The following ALB variants were observed in gnomAD, a reference collection of about 807,000 sequenced individuals.
The protein encoded by ALB is albumin.
Under a neutral mutation model 74.5 loss-of-function variants are expected in ALB, and 37 were observed. That is an observed-to-expected ratio of 0.50 (90% confidence interval 0.38 to 0.65). The LOEUF is 0.65. Among genes scored for constraint, ALB ranks in the 30% least tolerant of loss-of-function variants. The probability of loss-of-function intolerance (pLI) is 0.00; values close to 1 mark genes in which losing one functional copy is unlikely to be tolerated. For missense variants in ALB, 685 were observed against 718.7 expected (o/e 0.95, Z 0.54); for synonymous variants, 249 against 251.6 (o/e 0.99, Z 0.10).
In ALB at chr4:73,405,164, T is replaced by C; in HGVS notation, c.128T>C (p.Phe43Ser). The C allele has an allele frequency of 6.8e-6, 11 of 1,612,412 alleles. No individual in the cohort carries two copies. Among genetic ancestry groups the C allele is most frequent in the Non-Finnish European group, 9.3e-6 (11 of 1,178,522 alleles). ...TTTAAAGATTTGGGAGAAGAAAATT[T>C]CAAAGCCTTGTAAGTTAAAATATTG... ...HRFKDLGEENFKALVLIAFAQ... is the reference protein window; with the variant it reads ...HRFKDLGEENSKALVLIAFAQ... The change falls in exon 2 of 15, where the codon TTC becomes TCC. Residue 43 changes from phenylalanine to serine, a missense_variant. Physicochemically the swap from Phe to Ser is radical, Grantham distance 155. Transcript: ENST00000295897.
intron 8 of ALB, among the ~76,000 whole-genome samples, chr4:73,414,563 A>T (rs1718967196): frequency 1.3e-5 from 2 of 152,134 alleles, no homozygotes; most frequent in Admixed American, 1.3e-4. Flanking sequence ...TCCCAGGTTC[A>T]AGCGATTCTC....
chr4:73,408,466 AG>A, intron 3 of ALB, 127 bp from the exon 4 acceptor site: 1 of 790,178 alleles, frequency 1.3e-6, no homozygotes, highest in Non-Finnish European at 2.1e-6. Flanking sequence ...CTCGATTGGG[AG>A]GGGAAGCGGA....
rs975316986 is a variant in ALB at position 73,405,242 on chromosome 4, A to G, written c.137+69A>G. ...TGTTGTTTATTATTCTAAAGTGCTTATATTTCCTTGTCATCAGGGTTCAGA... is the reference window on the plus strand; with the variant it reads ...TGTTGTTTATTATTCTAAAGTGCTTGTATTTCCTTGTCATCAGGGTTCAGA... On this transcript the variant is annotated intron_variant, in intron 2 of 14. Transcript: ENST00000295897. The G allele has an allele frequency of 4.5e-6, 6 of 1,333,512 alleles. No individual in the cohort carries two copies. The Admixed American group carries it at 1.0e-4, about 23-fold the overall frequency. 82.6% of individuals were successfully genotyped at this position (1,333,512 alleles called of 1,614,324 possible).
chr4:73,412,231 C>G (rs979212335), intron 7 of ALB, 106 bp downstream of exon 7: 1 of 1,399,164 alleles, frequency 7.1e-7, no homozygotes, highest in Non-Finnish European at 1.0e-6. Context: ...AGATTGTCTT[C>G]TGTGCTTTCG....
At position 73,415,135 on chromosome 4, in the gene ALB, G is replaced by A. The variant is rs149483745; in HGVS notation, c.1159G>A (p.Ala387Thr). ...YETTLEKCCA[A>T]ADPHECYAKV... ...AACCACTCTAGAGAAGTGCTGTGCC[G>A]CTGCAGATCCTCATGAATGCTATGC... Residue 387 changes from alanine to threonine, a missense_variant, in exon 9 of 15, where the codon GCT becomes ACT. Coordinates refer to ENST00000295897, the MANE Select transcript of ALB (RefSeq NM_000477.7). 1.9e-5 allele frequency: 30 copies of A among 1,613,980 alleles called. No individual in the cohort carries two copies. The highest frequency in any genetic ancestry group is 3.3e-5 in the Admixed American group (2 of 59,996).
At chr4:73,404,557 C>A in intron 1 of ALB, 151 bp downstream of exon 1, 2 of 631,742 alleles carry the variant, frequency 3.2e-6, no homozygotes, top group Non-Finnish European at 5.4e-6. Flanking sequence ...ACAAGGTTAT[C>A]TTATTAATAA....
At chr4:73,413,892 T>C (rs777405589) in intron 8 of ALB, among the ~76,000 whole-genome samples, 1 of 152,216 alleles carries the variant, frequency 6.6e-6, no homozygotes, top group Non-Finnish European at 1.5e-5. Context: ...CTAGAAACAT[T>C]TTGTGTATAT....
At chr4:73,414,946 TG>T in intron 8 of ALB, 88 bp from the exon 9 acceptor site, 1 of 1,518,844 alleles carries the variant, frequency 6.6e-7, no homozygotes, top group Non-Finnish European at 9.1e-7. Context: ...TTAAGACTTT[TG>T]GAATATGAGT....
rs896716227 is a variant in ALB at position 73,420,433 on chromosome 4, C to T, written c.*23+112C>T. On this transcript the variant is annotated intron_variant, in intron 14 of 14. Coordinates refer to ENST00000295897, the MANE Select transcript of ALB (RefSeq NM_000477.7). Reference sequence around the variant, plus strand: ...GACCAGCACCGACCACTATTCTAAACTATTTATGTATGTAAATATTAGCTT... The same window carrying T: ...GACCAGCACCGACCACTATTCTAAATTATTTATGTATGTAAATATTAGCTT... 1.6e-5 allele frequency: 10 copies of T among 636,318 alleles called. No individual in the cohort carries two copies. In the African/African-American group the frequency reaches 1.9e-4, roughly 12 times the overall value. The allele number at this position is 636,318 out of a possible 1,614,324, so 39.4% of individuals were successfully genotyped here.
intron 5 of ALB, 54 bp from the exon 6 acceptor site, chr4:73,410,258 G>A: frequency 7.4e-7 from 1 of 1,354,338 alleles, no homozygotes; most frequent in South Asian, 1.2e-5. Context: ...TTATGGAGGG[G>A]TGTTTCATGT....
intron 3 of ALB, 85 bp downstream of exon 3, chr4:73,406,846 A>T: frequency 6.7e-7 from 1 of 1,495,906 alleles, no homozygotes; most frequent in Admixed American, 1.8e-5. Context: ...AAGTTTTCTC[A>T]ATTATTATTA....
intron 12 of ALB, 97 bp from the exon 13 acceptor site, chr4:73,419,410 C>G: frequency 7.3e-7 from 1 of 1,378,010 alleles, no homozygotes; most frequent in Non-Finnish European, 9.8e-7. Context: ...GATTTATAAT[C>G]TTAAATGATG....
At chr4:73,420,885 T>C (rs1393937644) in intron 14 of ALB, 5 of 458,436 alleles carry the variant, frequency 1.1e-5, no homozygotes, top group Admixed American at 4.0e-5. Flanking sequence ...ATAGGACTTA[T>C]CTTCTTATGA....
rs766228400 is a variant in ALB, at chr4:73,413,675, A to G, written c.1058+41A>G. The G allele has an allele frequency of 3.8e-6, 6 of 1,588,832 alleles. No individual in the cohort carries two copies. The Admixed American group carries it at 1.0e-4, about 27-fold the overall frequency. ...ATTATTCTTTTATAGCTTTGGCATG[A>G]CCTCACAACTTAGGAGGATAGCCTA... On this transcript the variant is annotated intron_variant, in intron 8 of 14. Coordinates refer to ENST00000295897, the MANE Select transcript of ALB (RefSeq NM_000477.7).
intron 12 of ALB, 153 bp from the exon 13 acceptor site, chr4:73,419,354 A>G: frequency 1.3e-6 from 1 of 746,440 alleles, no homozygotes; most frequent in Admixed American, 2.8e-5. Flanking sequence ...TGAGACTTAT[A>G]GCGGTATGCC....
intron 12 of ALB, among the ~76,000 whole-genome samples, chr4:73,419,103 A>AT (rs1174158686): frequency 6.6e-6 from 1 of 152,138 alleles, no homozygotes; most frequent in Non-Finnish European, 1.5e-5. Flanking sequence ...AGATAATTAA[A>AT]TTTTTAAGGA....
At chr4:73,418,809 A>G (rs546963236) in intron 12 of ALB, among the ~76,000 whole-genome samples, 9 of 152,306 alleles carry the variant, frequency 5.9e-5, no homozygotes, top group Admixed American at 3.9e-4. Flanking sequence ...AGGGGTTATA[A>G]TTGCATAAAA....
chr4:73,405,321 A>T, intron 2 of ALB, 148 bp downstream of exon 2: 1 of 693,156 alleles, frequency 1.4e-6, no homozygotes, highest in East Asian at 2.7e-5. Context: ...GATATTCTGT[A>T]TCTGGGCTAT....
intron 12 of ALB, among the ~76,000 whole-genome samples, chr4:73,418,980 A>G (rs2149329856): frequency 6.6e-6 from 1 of 152,274 alleles, no homozygotes; most frequent in Admixed American, 6.5e-5. Context: ...ATGAGTTTGG[A>G]TAGCCTTATT....
Sources: gnomAD v4.1 joint callset for allele counts (sites outside exome capture counted in the v4.1 genomes callset) on GRCh38, gnomAD v4.1.1 for gene constraint, MANE v1.5 for transcripts, NCBI Gene and HGNC (gene_info 2026-07-23, HGNC 2026-07-21) for gene names.